WAC: variants seen among roughly 807,000 people sequenced by gnomAD.
The protein encoded by WAC is WW domain-containing adapter protein with coiled-coil.
Under a neutral mutation model 79.6 loss-of-function variants are expected in WAC, and 11 were observed. That is an observed-to-expected ratio of 0.14 (90% CI 0.09 to 0.23). The LOEUF is 0.23. Ranked by LOEUF, WAC falls within the 10% of genes least tolerant of loss-of-function variation. The probability of loss-of-function intolerance (pLI) is 1.00; values close to 1 mark genes in which losing one functional copy is unlikely to be tolerated. For synonymous variants in WAC, 304 were observed against 276.9 expected (o/e 1.10, Z -0.97); for missense variants, 728 against 773.5 (o/e 0.94, Z 0.70).
intron 3 of WAC, among the ~76,000 whole-genome samples, chr10:28,539,847 C>T (rs1294041125): frequency 6.6e-6 from 1 of 152,134 alleles, no homozygotes; most frequent in Admixed American, 6.5e-5. Flanking sequence ...GCGTGAGTCA[C>T]CGCGCCTGGC....
At chr10:28,543,093 A>G (rs1024047053) in intron 3 of WAC, among the ~76,000 whole-genome samples, 2 of 152,242 alleles carry the variant, frequency 1.3e-5, no homozygotes, top group African/African-American at 4.8e-5. Context: ...GCATTCCTCA[A>G]ACTTGAATGT....
At chr10:28,543,438 T>C (rs949512931) in intron 3 of WAC, among the ~76,000 whole-genome samples, 19 of 152,266 alleles carry the variant, frequency 1.2e-4, no homozygotes, top group African/African-American at 4.6e-4. Context: ...CTAGTGTCTA[T>C]TTAACATTTA....
At chr10:28,568,348 A>G (rs1190839283) in intron 3 of WAC, among the ~76,000 whole-genome samples, 2 of 152,146 alleles carry the variant, frequency 1.3e-5, no homozygotes, top group Admixed American at 1.3e-4. Context: ...TAACTTTCAT[A>G]TGATTATTTC....
chr10:28,610,632 C>A, intron 8 of WAC, 67 bp from the exon 9 acceptor site: 1 of 1,466,406 alleles, frequency 6.8e-7, no homozygotes, highest in Non-Finnish European at 9.1e-7. Context: ...TCTTCCTTGT[C>A]AGGTTGTTAC....
At chr10:28,565,258 G>A (rs1212920830) in intron 3 of WAC, among the ~76,000 whole-genome samples, 2 of 152,192 alleles carry the variant, frequency 1.3e-5, no homozygotes, top group Non-Finnish European at 2.9e-5. Context: ...TAGCAGTACA[G>A]CTCTTATAAC....
chr10:28,587,945 C>T (rs1033202909), intron 4 of WAC, among the ~76,000 whole-genome samples: 1 of 151,584 alleles, frequency 6.6e-6, no homozygotes, highest in Non-Finnish European at 1.5e-5. Context: ...CCTTAAAGCA[C>T]AACTTCTGTG....
At chr10:28,583,364 T>C (rs1839638038) in intron 3 of WAC, 35 bp from the exon 4 acceptor site, 12 of 1,430,208 alleles carry the variant, frequency 8.4e-6, no homozygotes, top group Non-Finnish European at 1.1e-5. Flanking sequence ...AAATACAGTT[T>C]ACTTGTAATT....
At chr10:28,593,754 T>C (rs1840218483) in intron 6 of WAC, among the ~76,000 whole-genome samples, 1 of 152,092 alleles carries the variant, frequency 6.6e-6, no homozygotes, top group Admixed American at 6.6e-5. Context: ...TAAAATATTT[T>C]ATCAAATGTT....
intron 7 of WAC, among the ~76,000 whole-genome samples, chr10:28,603,367 T>C (rs2132760338): frequency 6.6e-6 from 1 of 152,320 alleles, no homozygotes; most frequent in South Asian, 2.1e-4. Context: ...TAGGTTTCCT[T>C]AATGCTTGGA....
At chr10:28,616,411 G>C (rs376233992) in intron 12 of WAC, 49 bp downstream of exon 12, 2 of 1,385,006 alleles carry the variant, frequency 1.4e-6, no homozygotes, top group East Asian at 4.9e-5. Context: ...TAGCAAAACA[G>C]AATTTAATCA....
At chr10:28,613,207 A>C (rs188764773) in intron 10 of WAC, among the ~76,000 whole-genome samples, 1 of 152,318 alleles carries the variant, frequency 6.6e-6, no homozygotes, top group Admixed American at 6.5e-5. Flanking sequence ...TCTCTACTAA[A>C]AGTACAAAAA....
At chr10:28,582,203 G>A (rs1339865915) in intron 3 of WAC, among the ~76,000 whole-genome samples, 1 of 152,164 alleles carries the variant, frequency 6.6e-6, no homozygotes, top group African/African-American at 2.4e-5. Context: ...CTTCGTCCAT[G>A]AACTTTTTTA....
intron 3 of WAC, among the ~76,000 whole-genome samples, chr10:28,566,312 T>C (rs1384109586): frequency 2.0e-5 from 3 of 152,168 alleles, no homozygotes; most frequent in Admixed American, 2.0e-4. Flanking sequence ...GTTGACTGTT[T>C]TTATAAAAAA....
intron 4 of WAC, among the ~76,000 whole-genome samples, chr10:28,586,265 C>T (rs1839817720): frequency 1.3e-5 from 2 of 152,172 alleles, no homozygotes; most frequent in Non-Finnish European, 2.9e-5. Flanking sequence ...AAGGCGTTAA[C>T]ATTTAATGTA....
intron 4 of WAC, among the ~76,000 whole-genome samples, chr10:28,584,079 C>T (rs1036407585): frequency 2.6e-5 from 4 of 152,064 alleles, no homozygotes; most frequent in Non-Finnish European, 5.9e-5. Context: ...TTTTAATTCA[C>T]CAGGCATATG....
At chr10:28,573,959 A>G (rs1352493097) in intron 3 of WAC, among the ~76,000 whole-genome samples, 4 of 151,130 alleles carry the variant, frequency 2.6e-5, no homozygotes, top group African/African-American at 7.3e-5. Context: ...GGCTCATACC[A>G]TATTTGATCT....
intron 3 of WAC, among the ~76,000 whole-genome samples, chr10:28,565,256 C>T (rs1287623308): frequency 6.6e-6 from 1 of 152,220 alleles, no homozygotes; most frequent in Non-Finnish European, 1.5e-5. Context: ...GTTAGCAGTA[C>T]AGCTCTTATA....
intron 3 of WAC, 156 bp downstream of exon 3, chr10:28,535,913 C>T (rs1024060962): frequency 4.4e-6 from 3 of 675,172 alleles, no homozygotes; most frequent in African/African-American, 3.7e-5. Context: ...GAACAAGTTA[C>T]TGTAGAAACA....
intron 3 of WAC, among the ~76,000 whole-genome samples, chr10:28,550,901 G>A (rs570405549): frequency 1.2e-3 from 184 of 152,288 alleles, no homozygotes; most frequent in Middle Eastern, 0.01. Context: ...ACTAGTGTCC[G>A]TTGCATTAGT....
Sources: gnomAD v4.1 joint callset for allele counts (sites outside exome capture counted in the v4.1 genomes callset) on GRCh38, gnomAD v4.1.1 for gene constraint, MANE v1.5 for transcripts, NCBI Gene and HGNC (gene_info 2026-07-23, HGNC 2026-07-21) for gene names.